FER: variants seen among roughly 807,000 people sequenced by gnomAD.
The protein encoded by FER is FER tyrosine kinase.
A neutral mutation model predicts 111.0 loss-of-function variants in FER; 63 were observed. That is an observed-to-expected ratio of 0.57 (90% CI 0.46 to 0.70). The LOEUF (loss-of-function observed/expected upper bound fraction) is 0.70, where lower values mean the gene tolerates loss of function less well. Ranked by LOEUF, FER falls within the 30% of genes least tolerant of loss-of-function variation. The pLI is 0.00. For missense variants in FER, 914 were observed against 954.0 expected, an observed-to-expected ratio of 0.96 and a Z score of 0.55; for synonymous variants, 327 against 313.9, an observed-to-expected ratio of 1.04 and a Z score of -0.44.
At chr5:109,114,791 C>T (rs1176235198) in intron 17 of FER, among the ~76,000 whole-genome samples, 2 of 152,110 alleles carry the variant, frequency 1.3e-5, no homozygotes, top group African/African-American at 2.4e-5. Context: ...GCATATCTAT[C>T]TTTAATTTTC....
At chr5:108,824,343 A>T (rs1315913161) in intron 3 of FER, among the ~76,000 whole-genome samples, 1 of 151,970 alleles carries the variant, frequency 6.6e-6, no homozygotes, top group Non-Finnish European at 1.5e-5. Flanking sequence ...TGAAATTTTA[A>T]TTAGGAATTC....
At chr5:108,881,054 A>C (rs1165586352) in intron 8 of FER, among the ~76,000 whole-genome samples, 3 of 152,176 alleles carry the variant, frequency 2.0e-5, no homozygotes, top group African/African-American at 7.2e-5. Flanking sequence ...CTTTGGACTT[A>C]AATCACTCCC....
At chr5:109,160,556 G>T (rs1258806660) in intron 17 of FER, among the ~76,000 whole-genome samples, 1 of 152,056 alleles carries the variant, frequency 6.6e-6, no homozygotes, top group African/African-American at 2.4e-5. Flanking sequence ...TTAAATTTCG[G>T]TTCTCTGTGC....
intron 3 of FER, among the ~76,000 whole-genome samples, chr5:108,828,118 C>T (rs1444358466): frequency 1.3e-5 from 2 of 152,144 alleles, no homozygotes; most frequent in African/African-American, 2.4e-5. Flanking sequence ...AATCCTCCCA[C>T]CTTGGCCTCC....
chr5:109,029,051 C>T (rs1380613734), intron 13 of FER, among the ~76,000 whole-genome samples: 3 of 152,118 alleles, frequency 2.0e-5, no homozygotes, highest in Non-Finnish European at 4.4e-5. Context: ...AACTTTTGAA[C>T]ATTCTGGTAG....
intron 13 of FER, among the ~76,000 whole-genome samples, chr5:108,962,024 AAT>A (rs763868348): frequency 1.7e-4 from 26 of 152,296 alleles, no homozygotes; most frequent in Non-Finnish European, 3.2e-4. Context: ...TACCCATAAA[AAT>A]ATGTTTATCA....
At chr5:108,807,668 GGTTA>G (rs1389861630) in intron 3 of FER, among the ~76,000 whole-genome samples, 3 of 151,856 alleles carry the variant, frequency 2.0e-5, no homozygotes, top group East Asian at 1.9e-4. Context: ...CTATCTTTAG[GGTTA>G]GTTCTTGTTT....
intron 13 of FER, among the ~76,000 whole-genome samples, chr5:108,967,622 T>A (rs1029129112): frequency 6.6e-6 from 1 of 151,788 alleles, no homozygotes; most frequent in Non-Finnish European, 1.5e-5. Flanking sequence ...TAGCTGGGTG[T>A]GGTGGTGGGC....
At chr5:108,794,372 C>T (rs1394434383) in intron 2 of FER, among the ~76,000 whole-genome samples, 1 of 151,982 alleles carries the variant, frequency 6.6e-6, no homozygotes, top group Non-Finnish European at 1.5e-5. Flanking sequence ...TGCCCGCCTC[C>T]ACGCCCAGCT....
At chr5:108,846,745 G>A (rs1162765274) in intron 5 of FER, among the ~76,000 whole-genome samples, 1 of 151,960 alleles carries the variant, frequency 6.6e-6, no homozygotes, top group African/African-American at 2.4e-5. Context: ...ACCACGCCCG[G>A]CTAATTTTTT....
chr5:108,824,153 C>G (rs546794562), intron 3 of FER, among the ~76,000 whole-genome samples: 1 of 152,048 alleles, frequency 6.6e-6, no homozygotes, highest in South Asian at 2.1e-4. Flanking sequence ...TGTTTTTATG[C>G]TAGTATTATA....
At chr5:108,986,820 G>A (rs1374565439) in intron 13 of FER, among the ~76,000 whole-genome samples, 5 of 151,930 alleles carry the variant, frequency 3.3e-5, no homozygotes, top group African/African-American at 4.8e-5. Flanking sequence ...CTTTTATATC[G>A]GTACCGTGCT....
At chr5:109,064,000 C>G (rs113227044) in intron 16 of FER, among the ~76,000 whole-genome samples, 1 of 152,004 alleles carries the variant, frequency 6.6e-6, no homozygotes. Flanking sequence ...TTACATCATG[C>G]GTAATATGTT....
rs1759531735 is a variant in FER at position 109,193,646 on chromosome 5, T to G, written c.*6071T>G. 1 of 152,208 alleles carries G rather than the reference T, an allele frequency of 6.6e-6. No individual in the cohort carries two copies. The highest frequency in any genetic ancestry group is 1.9e-4 in the East Asian group (1 of 5,200). The allele number at this position is 152,208 out of a possible 1,614,324, so 9.4% of individuals were successfully genotyped here. A position where few individuals can be genotyped will look rare whatever the true frequency, so the allele number is the denominator to read the frequency against. On this transcript the variant is annotated 3_prime_UTR_variant, in exon 20 of 20. Transcript: ENST00000281092. Reference sequence around the variant, plus strand: ...TTTCTTGAACATCTGCCACATGAGGTGCAGAGAATACTACCAGGTGCTAGT... The same window carrying G: ...TTTCTTGAACATCTGCCACATGAGGGGCAGAGAATACTACCAGGTGCTAGT...
chr5:108,845,247 C>T (rs1014099030), intron 5 of FER, among the ~76,000 whole-genome samples: 7 of 151,314 alleles, frequency 4.6e-5, no homozygotes, highest in Non-Finnish European at 8.8e-5. Context: ...TCTTGGGTCA[C>T]TGTAACCTCT....
At chr5:108,890,551 C>G (rs955639920) in intron 9 of FER, among the ~76,000 whole-genome samples, 19 of 152,124 alleles carry the variant, frequency 1.2e-4, no homozygotes, top group African/African-American at 4.3e-4. Context: ...CTCCATATGA[C>G]CCTCTGCCTG....
intron 9 of FER, among the ~76,000 whole-genome samples, chr5:108,896,764 T>C (rs537491873): frequency 1.3e-5 from 2 of 152,330 alleles, no homozygotes; most frequent in Admixed American, 6.5e-5. Flanking sequence ...TTGAGACTTA[T>C]AGTTTAAATT....
intron 17 of FER, among the ~76,000 whole-genome samples, chr5:109,154,304 C>T (rs966813732): frequency 6.6e-6 from 1 of 151,894 alleles, no homozygotes; most frequent in Non-Finnish European, 1.5e-5. Context: ...TGTTTATCTT[C>T]CTTGATGAAG....
intron 13 of FER, among the ~76,000 whole-genome samples, chr5:108,962,992 A>G (rs1759333191): frequency 6.6e-6 from 1 of 152,214 alleles, no homozygotes; most frequent in African/African-American, 2.4e-5. Context: ...CTTTCATTCT[A>G]TAAAATATTA....
Sources: gnomAD v4.1 joint callset for allele counts (sites outside exome capture counted in the v4.1 genomes callset) on GRCh38, gnomAD v4.1.1 for gene constraint, MANE v1.5 for transcripts, NCBI Gene and HGNC (gene_info 2026-07-23, HGNC 2026-07-21) for gene names.